VPS13B: variants seen among roughly 807,000 people sequenced by gnomAD.
VPS13B encodes intermembrane lipid transfer protein VPS13B.
VPS13B carries 285 observed loss-of-function variants against 426.4 expected under a neutral mutation model. The ratio of observed to expected loss-of-function variants is 0.67; its 90% CI spans 0.61 to 0.74. VPS13B has a LOEUF of 0.74. Ranked by LOEUF, VPS13B falls within the 30% of genes least tolerant of loss-of-function variation. The pLI is 0.00. For missense variants in VPS13B, 4,537 were observed against 4,782.6 expected (o/e 0.95, Z 1.51); for synonymous variants, 1,676 against 1,676.4 (o/e 1.00, Z 0.01).
At chr8:99,326,969 C>T (rs185290570) in intron 19 of VPS13B, among the ~76,000 whole-genome samples, 21 of 152,224 alleles carry the variant, frequency 1.4e-4, no homozygotes, top group Admixed American at 3.9e-4. Context: ...ATTTAGACTG[C>T]CATAATTGTT....
At chr8:99,661,118 A>C (rs1401062046) in intron 34 of VPS13B, among the ~76,000 whole-genome samples, 2 of 151,972 alleles carry the variant, frequency 1.3e-5, no homozygotes, top group Admixed American at 6.6e-5. Context: ...AGATTTGAAC[A>C]TTTTTTTCCT....
chr8:99,682,130 A>T (rs1831179056), intron 35 of VPS13B, among the ~76,000 whole-genome samples: 2 of 152,236 alleles, frequency 1.3e-5, no homozygotes, highest in African/African-American at 4.8e-5. Context: ...GGGACAAACT[A>T]TGAGAGACAG....
At chr8:99,662,986 G>A (rs1830301430) in intron 35 of VPS13B, among the ~76,000 whole-genome samples, 1 of 152,162 alleles carries the variant, frequency 6.6e-6, no homozygotes, top group Non-Finnish European at 1.5e-5. Context: ...TGAACTGGGA[G>A]GCAAAGGTTG....
At chr8:99,461,949 C>T (rs918963572) in intron 23 of VPS13B, among the ~76,000 whole-genome samples, 3 of 152,100 alleles carry the variant, frequency 2.0e-5, no homozygotes, top group Non-Finnish European at 4.4e-5. Context: ...TGCTCTGTCC[C>T]TAGATCCTAG....
chr8:99,060,645 C>T (rs1005847894), intron 3 of VPS13B, among the ~76,000 whole-genome samples: 59 of 151,858 alleles, frequency 3.9e-4, no homozygotes, highest in Middle Eastern at 3.4e-3. Flanking sequence ...ATAATATAAT[C>T]TTTTATTATA....
At chr8:99,068,797 C>T (rs1844692766) in intron 3 of VPS13B, among the ~76,000 whole-genome samples, 1 of 152,136 alleles carries the variant, frequency 6.6e-6, no homozygotes, top group Non-Finnish European at 1.5e-5. Context: ...GGGAAACCAT[C>T]CCTGTGATCC....
rs752014773 is a variant in VPS13B at position 99,776,917 on chromosome 8, G to C, written c.7390G>C (p.Glu2464Gln). The C allele has an allele frequency of 1.5e-5, 25 of 1,613,858 alleles. No homozygotes were observed. The highest frequency in any genetic ancestry group is 1.6e-4 in the Middle Eastern group (1 of 6,082). The stretch of plus-strand genomic sequence containing the variant: ...CGTTTCTTTCCAGTTTGCTCACCTG[G>C]AATTCCATCTTTGTCATCACCTTGA... ...LCVSFQFAHLEFHLCHHLDQL... is the reference protein window; with the variant it reads ...LCVSFQFAHLQFHLCHHLDQL... Residue 2464 changes from glutamate to glutamine, a missense_variant, in exon 41 of 62, where the codon GAA (glutamate) becomes CAA (glutamine). By Grantham distance (29) the Glu-to-Gln change is conservative. This residue lies in a region of VPS13B where 4,311 missense variants were observed against 4,474.3 expected (regional missense o/e 0.96). Transcript: ENST00000357162.
chr8:99,466,573 A>G (rs1262248371), intron 23 of VPS13B, among the ~76,000 whole-genome samples: 1 of 152,130 alleles, frequency 6.6e-6, no homozygotes, highest in East Asian at 1.9e-4. Flanking sequence ...TTATATTAAT[A>G]AATTAATTTT....
chr8:99,747,797 G>T (rs1269733884), intron 39 of VPS13B, among the ~76,000 whole-genome samples: 1 of 151,666 alleles, frequency 6.6e-6, no homozygotes, highest in Non-Finnish European at 1.5e-5. Context: ...TCTTTCTGAG[G>T]TTTTTTGTTT....
At chr8:99,664,007 ATTTT>A (rs202131297) in intron 35 of VPS13B, among the ~76,000 whole-genome samples, 1 of 141,512 alleles carries the variant, frequency 7.1e-6, no homozygotes, top group Admixed American at 7.1e-5. Context: ...TAGAAATGTG[ATTTT>A]TTTTTTTTTT....
intron 3 of VPS13B, among the ~76,000 whole-genome samples, chr8:99,090,288 C>T (rs1846070543): frequency 7.2e-6 from 1 of 139,250 alleles, no homozygotes; most frequent in South Asian, 2.2e-4. Flanking sequence ...TTTTTTTTCA[C>T]ACAGAGTCTC....
At chr8:99,183,876 A>AGG (rs1813075707) in intron 16 of VPS13B, among the ~76,000 whole-genome samples, 1 of 152,142 alleles carries the variant, frequency 6.6e-6, no homozygotes, top group Non-Finnish European at 1.5e-5. Context: ...ATGTCACCCT[A>AGG]ATTAGATCCT....
At chr8:99,682,036 T>G (rs542613761) in intron 35 of VPS13B, among the ~76,000 whole-genome samples, 1 of 152,306 alleles carries the variant, frequency 6.6e-6, no homozygotes, top group African/African-American at 2.4e-5. Flanking sequence ...ATAATTAAAC[T>G]TTTCAAATGA....
At chr8:99,444,053 A>T (rs534073954) in intron 23 of VPS13B, among the ~76,000 whole-genome samples, 1 of 150,026 alleles carries the variant, frequency 6.7e-6, no homozygotes, top group East Asian at 1.9e-4. Flanking sequence ...ATAACCTCTT[A>T]AACTGGAGAG....
chr8:99,865,871 T>C (rs1817071634), intron 58 of VPS13B, among the ~76,000 whole-genome samples: 1 of 152,172 alleles, frequency 6.6e-6, no homozygotes, highest in South Asian at 2.1e-4. Context: ...ACCAGGAACT[T>C]CCATAGCCCA....
chr8:99,838,618 A>G (rs1196039230), intron 54 of VPS13B, among the ~76,000 whole-genome samples: 5 of 152,248 alleles, frequency 3.3e-5, no homozygotes, highest in Non-Finnish European at 7.3e-5. Flanking sequence ...CTGAACAAAA[A>G]TGTAGCACAG....
At chr8:99,267,158 G>A (rs1361424318) in intron 17 of VPS13B, among the ~76,000 whole-genome samples, 1 of 152,154 alleles carries the variant, frequency 6.6e-6, no homozygotes. Flanking sequence ...GAGTGGCTTT[G>A]ACTAAAATGC....
Position 99,511,424 on chromosome 8 carries a change from A to G in VPS13B, c.4545A>G (p.Thr1515=), listed in dbSNP as rs763518845. The stretch of plus-strand genomic sequence containing the variant: ...AGCCCATGAGGACCCATACACTGAC[A>G]TCCCGCAATTTACCTTTGATTTATG... ...PGQPMRTHTL[T]SRNLPLIYVN... is the part of the protein sequence containing the mutation. The change falls in exon 29 of 62, where the codon ACA becomes ACG. Residue 1515 remains threonine, a synonymous_variant. Coordinates refer to ENST00000357162, the MANE Select transcript of VPS13B (RefSeq NM_152564.5). 1.9e-6 allele frequency: 3 copies of G among 1,613,606 alleles called. No individual in the cohort carries two copies. The highest frequency in any genetic ancestry group is 3.3e-5 in the Admixed American group (2 of 59,964).
chr8:99,584,222 A>T (rs539297844), intron 33 of VPS13B, among the ~76,000 whole-genome samples: 6 of 152,212 alleles, frequency 3.9e-5, no homozygotes, highest in Non-Finnish European at 8.8e-5. Context: ...TTGAACTCTC[A>T]CATCTGTCAC....
Sources: allele counts gnomAD v4.1 joint callset (sites outside exome capture counted in the v4.1 genomes callset), GRCh38; gene constraint gnomAD v4.1.1; regional missense constraint gnomAD v4.1.1; transcripts MANE v1.5; gene names NCBI Gene and HGNC (gene_info 2026-07-23, HGNC 2026-07-21).